Variants in PSPH observed in about 807,000 individuals in gnomAD.
PSPH encodes the protein phosphoserine phosphatase, also known as L-3-phosphoserine phosphatase.
A neutral mutation model predicts 23.4 loss-of-function variants in PSPH; 16 were observed. The ratio of observed to expected loss-of-function variants is 0.68; its 90% confidence interval spans 0.46 to 1.04. The LOEUF is 1.04. Among genes scored for constraint, PSPH ranks in the 50% least tolerant of loss-of-function variants. PSPH has a pLI of 0.00. For synonymous variants in PSPH, 68 were observed against 99.7 expected (o/e 0.68, Z 1.89); for missense variants, 223 against 273.7 (o/e 0.81, Z 1.31).
In PSPH at chr7:56,047,669, C is replaced by CT. The variant is rs1197894960; in HGVS notation, c.-292+3468dup. Among the ~76,000 whole-genome samples, 438 of 138,490 alleles carry CT rather than the reference C, an allele frequency of 3.2e-3. 1 individual carries two copies. Among genetic ancestry groups the CT allele is most frequent in the East Asian group, 5.0e-3 (24 of 4,766 alleles). The allele number at this position is 138,490 out of a possible 152,430, so 90.9% of individuals were successfully genotyped here. The stretch of plus-strand genomic sequence containing the variant: ...GTTCTTGCCAAAAATGAATAACCTG[C>CT]TTTTTTTTTTTTTTTTGATAAGAGC... On this transcript the variant is annotated intron_variant, in intron 1 of 7. Coordinates refer to ENST00000275605, the MANE Select transcript of PSPH (RefSeq NM_004577.4).
At chr7:56,019,035 A>C (rs1788964155) in intron 5 of PSPH, among the ~76,000 whole-genome samples, 1 of 150,586 alleles carries the variant, frequency 6.6e-6, no homozygotes, top group Non-Finnish European at 1.5e-5. Context: ...CCCCACTATT[A>C]AGGAGGCTAA....
rs145904254 is a variant in PSPH, at chr7:56,046,996, G to C, written c.-292+4142C>G. Among the ~76,000 whole-genome samples the C allele has an allele frequency of 7.9e-3, 1,204 of 152,160 alleles. 18 individuals are homozygous for C. Among genetic ancestry groups the C allele is most frequent in the African/African-American group, 0.027 (1,129 of 41,506 alleles). On this transcript the variant is annotated intron_variant, in intron 1 of 7. Coordinates refer to ENST00000275605, the MANE Select transcript of PSPH (RefSeq NM_004577.4). ...CAGATAAAGAGCATTCTTGGGCCTTGCATTCTTGGCACACACAGCAAGACA... is the reference window on the plus strand; with the variant it reads ...CAGATAAAGAGCATTCTTGGGCCTTCCATTCTTGGCACACACAGCAAGACA...
Position 56,016,950 on chromosome 7 carries a change from C to T in PSPH, c.421+284G>A, listed in dbSNP as rs567429759. Reference sequence around the variant, plus strand: ...CATAAAGTTGAAATATAACATATAGCAAAGTAAGTCATAGGGGGCTTCGTA... The same window carrying T: ...CATAAAGTTGAAATATAACATATAGTAAAGTAAGTCATAGGGGGCTTCGTA... On this transcript the variant is annotated intron_variant, in intron 6 of 7. Transcript: ENST00000275605. Among the ~76,000 whole-genome samples, 37 of 152,164 alleles carry T rather than the reference C, an allele frequency of 2.4e-4. 1 individual carries two copies. In the South Asian group the frequency reaches 7.5e-3, roughly 31 times the overall value.
At chr7:56,025,700 TCTC>T (rs1373739641) in intron 3 of PSPH, among the ~76,000 whole-genome samples, 4 of 152,246 alleles carry the variant, frequency 2.6e-5, no homozygotes, top group South Asian at 2.1e-4. Context: ...TTCAAGCAAT[TCTC>T]CTCCCTCAGC....
intron 3 of PSPH, among the ~76,000 whole-genome samples, chr7:56,028,412 T>G (rs1194973693): frequency 6.6e-6 from 1 of 152,026 alleles, no homozygotes; most frequent in Non-Finnish European, 1.5e-5. Flanking sequence ...TTATTATTTT[T>G]GTAGAGATGA....
In PSPH at chr7:56,041,817, G is replaced by A. The variant is rs527243274; in HGVS notation, c.-291-7711C>T. On this transcript the variant is annotated intron_variant, in intron 1 of 7. Transcript: ENST00000275605. ...TGCATGCCTGCAATCCCAGCTATTC[G>A]TGAGGCTGAGGCAGGAGAACTGCTT... Among the ~76,000 whole-genome samples, 10 of 152,130 alleles carry A rather than the reference G, an allele frequency of 6.6e-5. No individual in the cohort carries two copies. In the South Asian group the frequency reaches 1.0e-3, roughly 16 times the overall value.
At chr7:56,014,931 G>A in intron 7 of PSPH, 92 bp downstream of exon 7, 1 of 1,329,372 alleles carries the variant, frequency 7.5e-7, no homozygotes, top group Non-Finnish European at 1.0e-6. Flanking sequence ...CAACAAGAGT[G>A]AAACTCCGTC....
chr7:56,017,890 C>A (rs1398303602), intron 5 of PSPH, among the ~76,000 whole-genome samples: 17 of 151,856 alleles, frequency 1.1e-4, no homozygotes, highest in African/African-American at 4.1e-4. Context: ...GCCCAGCTAA[C>A]TTTTGTATTT....
At chr7:56,024,406 A>T (rs1424007072) in intron 3 of PSPH, among the ~76,000 whole-genome samples, 1 of 152,080 alleles carries the variant, frequency 6.6e-6, no homozygotes, top group African/African-American at 2.4e-5. Context: ...GTTGAAAAAA[A>T]AATCAAAAGA....
Position 56,045,429 on chromosome 7 carries a change from C to A in PSPH, c.-292+5709G>T, listed in dbSNP as rs183255100. On this transcript the variant is annotated intron_variant, in intron 1 of 7. Transcript: ENST00000275605. Reference sequence around the variant, plus strand: ...AGTAAGCAGTGATTGCGCCACTGCACTCCAGCCTGGGCACCAGAGTGAGAC... The same window carrying A: ...AGTAAGCAGTGATTGCGCCACTGCAATCCAGCCTGGGCACCAGAGTGAGAC... Among the ~76,000 whole-genome samples the A allele has an allele frequency of 3.2e-3, 494 of 152,248 alleles. 3 individuals carry two copies. The highest frequency in any genetic ancestry group is 0.01 in the Middle Eastern group (3 of 294).
chr7:56,051,426 C>G lies in PSPH; in HGVS notation c.-580G>C. ...GGCACCTAGGGCACCGTCGAGCACA[C>G]GGTCCGGGAAGCTCCAATGAAACGG... On this transcript the variant is annotated 5_prime_UTR_variant, in exon 1 of 8. Coordinates refer to ENST00000275605, the MANE Select transcript of PSPH (RefSeq NM_004577.4). The G allele has an allele frequency of 4.8e-6, 1 of 207,230 alleles. No individual in the cohort carries two copies. Among genetic ancestry groups the G allele is most frequent in the South Asian group, 6.4e-5 (1 of 15,624 alleles). The allele number at this position is 207,230 out of a possible 1,614,324, so 12.8% of individuals were successfully genotyped here. A position where few individuals can be genotyped will look rare whatever the true frequency, so the allele number is the denominator to read the frequency against.
At position 56,019,710 on chromosome 7, in the gene PSPH, T is replaced by A. The variant is rs1197770377; in HGVS notation, c.165A>T (p.Ala55=). Residue 55 remains alanine (A), a synonymous_variant, in exon 5 of 8, where the codon GCA becomes GCT. Coordinates refer to ENST00000275605, the MANE Select transcript of PSPH (RefSeq NM_004577.4). ...CTGTGAGAGCAGCTTTGAAAGGCAC[T>A]GCCCCGCCCATGGCTCGCCGTGTCC... ...SEMTRRAMGG[A]VPFKAALTER... 1 of 1,613,664 alleles carries A rather than the reference T, an allele frequency of 6.2e-7. No homozygotes were observed. Among genetic ancestry groups the A allele is most frequent in the African/African-American group, 1.3e-5 (1 of 74,956 alleles).
Position 56,017,337 on chromosome 7 carries a change from G to C in PSPH, c.318C>G (p.Phe106Leu). 1.3e-6 allele frequency: 2 copies of C among 1,488,690 alleles called. No individual in the cohort carries two copies. Among genetic ancestry groups the C allele is most frequent in the East Asian group, 5.7e-5 (2 of 34,810 alleles). 92.2% of individuals were successfully genotyped at this position (1,488,690 alleles called of 1,614,324 possible). Residue 106 changes from phenylalanine to leucine, a missense_variant, in exon 6 of 8, where the codon TTC becomes TTG. Transcript: ENST00000275605. ...SRLQERNVQV[F>L]LISGGFRSIV... ...TACTCCTAAAGCCACCAGATATTAG[G>C]AAAACCTGAACATTTCGCTCCTGTA...
At chr7:56,045,425 T>C (rs1167010928) in intron 1 of PSPH, among the ~76,000 whole-genome samples, 1 of 152,160 alleles carries the variant, frequency 6.6e-6, no homozygotes, top group Non-Finnish European at 1.5e-5. Context: ...ATTGCGCCAC[T>C]GCACTCCAGC....
rs780976901 is a variant in PSPH, at chr7:56,011,745, C to T, written c.*17G>A. ...AAAATTCATCTGAAGTTGTTTGGAG[C>T]TGTACGACAATGGATGTTATTCTTC... is the stretch of plus-strand genomic sequence containing the variant. On this transcript the variant is annotated 3_prime_UTR_variant, in exon 8 of 8. Coordinates refer to ENST00000275605, the MANE Select transcript of PSPH (RefSeq NM_004577.4). 8.2e-5 allele frequency: 129 copies of T among 1,578,938 alleles called. No individual in the cohort carries two copies. The highest frequency in any genetic ancestry group is 1.1e-4 in the Non-Finnish European group (124 of 1,148,252).
At chr7:56,043,052 G>C (rs1792760280) in intron 1 of PSPH, 1 of 152,150 alleles carries the variant, frequency 6.6e-6, no homozygotes, top group Non-Finnish European at 1.5e-5. Context: ...TGGATCACCT[G>C]AGGTCGGGAG....
At chr7:56,022,114 G>T (rs73140779) in intron 3 of PSPH, among the ~76,000 whole-genome samples, 2 of 151,936 alleles carry the variant, frequency 1.3e-5, no homozygotes, top group East Asian at 1.9e-4. Context: ...GATTGCTTGA[G>T]GCCAGGAGTT....
chr7:56,020,981 T>C, intron 4 of PSPH, 92 bp downstream of exon 4: 3 of 1,463,306 alleles, frequency 2.1e-6, no homozygotes, highest in East Asian at 2.4e-5. Flanking sequence ...CTAGTGCAAA[T>C]GTTCCATAGC....
Position 56,046,399 on chromosome 7 carries a change from T to C in PSPH, c.-292+4739A>G, listed in dbSNP as rs546609270. 3.9e-5 allele frequency among the ~76,000 whole-genome samples: 6 copies of C among 152,048 alleles called. No homozygotes were observed. In the South Asian group the frequency reaches 1.0e-3, roughly 26 times the overall value. On this transcript the variant is annotated intron_variant, in intron 1 of 7. Transcript: ENST00000275605. Reference sequence around the variant, plus strand: ...GTGATCTGCCCACCTCGGTGTTTTATTGTTTTATTTTTGTAGAGATGGGGT... The same window carrying C: ...GTGATCTGCCCACCTCGGTGTTTTACTGTTTTATTTTTGTAGAGATGGGGT...
Sources: gnomAD v4.1 joint callset for allele counts (sites outside exome capture counted in the v4.1 genomes callset) on GRCh38, gnomAD v4.1.1 for gene constraint, MANE v1.5 for transcripts, NCBI Gene and HGNC (gene_info 2026-07-23, HGNC 2026-07-21) for gene names.